Variants in AGBL2 observed in about 807,000 individuals in gnomAD.
AGBL2 encodes the protein cytosolic carboxypeptidase 2.
Under a neutral mutation model 103.0 loss-of-function variants are expected in AGBL2, and 87 were observed. The observed-to-expected ratio is 0.84, with a 90% CI of 0.71 to 1.01. The LOEUF (loss-of-function observed/expected upper bound fraction) is 1.01. Among genes scored for constraint, AGBL2 ranks in the 50% least tolerant of loss-of-function variants. The pLI, the probability that AGBL2 is intolerant of heterozygous loss-of-function variation, is 0.00. For missense variants in AGBL2, 904 were observed against 1,023.5 expected (o/e 0.88, Z 1.59); for synonymous variants, 335 against 356.7 (o/e 0.94, Z 0.69).
intron 18 of AGBL2, 91 bp from the exon 19 acceptor site, chr11:47,660,437 T>A: frequency 8.5e-7 from 1 of 1,182,118 alleles, no homozygotes; most frequent in South Asian, 1.5e-5. Flanking sequence ...TACAAGGAGC[T>A]GGTGAGAAAT....
In AGBL2 at chr11:47,692,096, TACTCAC is replaced by T. The variant is rs778076257; in HGVS notation, c.848+1_848+6del. The T allele has an allele frequency of 6.2e-6, 10 of 1,605,780 alleles. No homozygotes were observed. Among genetic ancestry groups the T allele is most frequent in the Non-Finnish European group, 1.7e-6 (2 of 1,174,162 alleles). On this transcript the variant is annotated splice_donor_variant and splice_donor_5th_base_variant and intron_variant, in intron 9 of 18. Coordinates refer to ENST00000525123, the MANE Select transcript of AGBL2 (RefSeq NM_024783.4). LOFTEE classifies it high-confidence loss of function. ...AATTATCATCCCTTTGAGAAATTGT[TACTCAC>T]ACTCTGACAGCTTTTTGCAGATTCC... is the stretch of plus-strand genomic sequence containing the variant.
At chr11:47,689,376 C>T (rs1026735521) in intron 10 of AGBL2, among the ~76,000 whole-genome samples, 3 of 146,918 alleles carry the variant, frequency 2.0e-5, no homozygotes, top group Non-Finnish European at 3.0e-5. Flanking sequence ...ACGCTCTTGG[C>T]TCACTGCAAT....
In AGBL2 at chr11:47,663,425, C is replaced by T. The variant is rs909314983; in HGVS notation, c.2449-313G>A. Among the ~76,000 whole-genome samples the T allele has an allele frequency of 3.3e-5, 5 of 152,314 alleles. No homozygotes were observed. In the South Asian group the frequency reaches 1.0e-3, roughly 32 times the overall value. On this transcript the variant is annotated intron_variant, in intron 17 of 18. Coordinates refer to ENST00000525123, the MANE Select transcript of AGBL2 (RefSeq NM_024783.4). ...TAGTAACCCCAGGGTGGTCAGATGA[C>T]TCACAGAATATTAAATAGTGGGGCT...
rs200390619 is a variant in AGBL2, at chr11:47,667,011, T to G, written c.2393A>C (p.Asn798Thr). 3.7e-6 allele frequency: 6 copies of G among 1,613,394 alleles called. No homozygotes were observed. Among genetic ancestry groups the G allele is most frequent in the South Asian group, 2.2e-5 (2 of 90,914 alleles). The change falls in exon 17 of 19, where the codon AAC becomes ACC. Residue 798 changes from asparagine (N) to threonine (T), a missense_variant. By Grantham distance (65) the Asn-to-Thr change is moderately conservative. Coordinates refer to ENST00000525123, the MANE Select transcript of AGBL2 (RefSeq NM_024783.4). ...TLQKQPTFFK[N>T]SENSSFLPMK... is the part of the protein sequence containing the mutation. The stretch of plus-strand genomic sequence containing the variant: ...TGGTAAAAAACTGGAATTCTCTGAG[T>G]TTTTGAAAAAGGTTGGCTGCTTTTG...
intron 4 of AGBL2, among the ~76,000 whole-genome samples, chr11:47,709,836 G>C (rs77429983): frequency 0.078 from 11,913 of 152,084 alleles, 1,286 homozygotes; most frequent in African/African-American, 0.25. Context: ...TGATCTGCCT[G>C]CCTCAGCAAT....
chr11:47,691,908 T>C (rs897378739), intron 9 of AGBL2, among the ~76,000 whole-genome samples, 195 bp downstream of exon 9: 2 of 150,452 alleles, frequency 1.3e-5, no homozygotes, highest in Non-Finnish European at 1.5e-5. Context: ...ATTTCTTCTA[T>C]AAGCAAAGTA....
chr11:47,703,054 G>C (rs1271639973), intron 7 of AGBL2, among the ~76,000 whole-genome samples: 2 of 151,978 alleles, frequency 1.3e-5, no homozygotes, highest in Non-Finnish European at 2.9e-5. Context: ...GAGCTCACAG[G>C]TATGACCCAT....
At chr11:47,697,979 A>C (rs939058531) in intron 8 of AGBL2, among the ~76,000 whole-genome samples, 2 of 150,394 alleles carry the variant, frequency 1.3e-5, no homozygotes, top group African/African-American at 4.9e-5. Flanking sequence ...CTCCTGCCTC[A>C]GCCTCCTGAG....
intron 8 of AGBL2, 148 bp from the exon 9 acceptor site, chr11:47,692,404 CTTTTT>C (rs11286504): frequency 5.8e-3 from 573 of 98,814 alleles, no homozygotes; most frequent in Middle Eastern, 0.023. Context: ...GACTTTTAAT[CTTTTT>C]TTTTTTTTTT....
Position 47,714,697 on chromosome 11 carries a change from C to A in AGBL2, c.-47G>T. 1 of 1,593,386 alleles carries A rather than the reference C, an allele frequency of 6.3e-7. No individual in the cohort carries two copies. The highest frequency in any genetic ancestry group is 8.6e-7 in the Non-Finnish European group (1 of 1,161,284). ...GAAAACTAGTCAGTGACATTAGCAT[C>A]CAGTCGCAAACCCTGCCCAATTTCC... On this transcript the variant is annotated 5_prime_UTR_variant, in exon 2 of 19. Transcript: ENST00000525123.
Position 47,680,089 on chromosome 11 carries a change from ACCCCG to A in AGBL2, c.1916-21_1916-17del. On this transcript the variant is annotated splice_polypyrimidine_tract_variant and intron_variant, in intron 12 of 18. Transcript: ENST00000525123. ...CTTTTATTACCTGGAAAAAAAAAAA[ACCCCG>A]CAAACATTTCCAATTAAATCTTAGT... 7.4e-7 allele frequency: 1 copy of A among 1,349,634 alleles called. No homozygotes were observed. The highest frequency in any genetic ancestry group is 1.0e-6 in the Non-Finnish European group (1 of 961,360). The allele number at this position is 1,349,634 out of a possible 1,614,324, so 83.6% of individuals were successfully genotyped here.
Position 47,690,513 on chromosome 11 carries a change from A to G in AGBL2, c.1194T>C (p.Tyr398=). 6.2e-7 allele frequency: 1 copy of G among 1,614,196 alleles called. No homozygotes were observed. Among genetic ancestry groups the G allele is most frequent in the Non-Finnish European group, 8.5e-7 (1 of 1,180,032 alleles). Residue 398 remains tyrosine, a synonymous_variant, in exon 10 of 19, where the codon TAT becomes TAC. Coordinates refer to ENST00000525123, the MANE Select transcript of AGBL2 (RefSeq NM_024783.4). ...DTCFFAHFYP[Y]TYTDLQCYLL... is the part of the protein sequence containing the mutation. The stretch of plus-strand genomic sequence containing the variant: ...GGTAGCATTGCAAATCAGTGTATGT[A>G]TATGGGTAGAAGTGTGCAAAGAAGC...
At position 47,714,330 on chromosome 11, in the gene AGBL2, A is replaced by G; in HGVS notation, c.51T>C (p.Tyr17=). Residue 17 remains tyrosine, a synonymous_variant, in exon 3 of 19, where the codon TAT becomes TAC. Coordinates refer to ENST00000525123, the MANE Select transcript of AGBL2 (RefSeq NM_024783.4). ...GGAGGTGACGGTACATAAAGTCTTC[A>G]TAAGGATCAGGAATAGTCTGTGAAA... The part of the protein sequence containing the change: ...THLKQTIPDP[Y]EDFMYRHLQY... 1 of 1,613,110 alleles carries G rather than the reference A, an allele frequency of 6.2e-7. No individual in the cohort carries two copies. The highest frequency in any genetic ancestry group is 8.5e-7 in the Non-Finnish European group (1 of 1,179,472).
At position 47,692,213 on chromosome 11, in the gene AGBL2, G is replaced by A; in HGVS notation, c.738C>T (p.Gly246=). ...GSYFTSSRVG[G]KRGIVKELAV... ...CAAGTTCCTTGACAATTCCTCGTTT[G>A]CCTCCCACTCTGGAACTGGTAAAAT... Residue 246 remains glycine, a synonymous_variant, in exon 9 of 19, where the codon GGC becomes GGT. Transcript: ENST00000525123. The A allele has an allele frequency of 6.2e-7, 1 of 1,613,592 alleles. No individual in the cohort carries two copies. Among genetic ancestry groups the A allele is most frequent in the Non-Finnish European group, 8.5e-7 (1 of 1,179,840 alleles).
intron 7 of AGBL2, among the ~76,000 whole-genome samples, chr11:47,701,849 C>T (rs2097500317): frequency 6.6e-6 from 1 of 151,850 alleles, no homozygotes; most frequent in African/African-American, 2.4e-5. Flanking sequence ...TGGCACGTGC[C>T]TGTAATCCCA....
Position 47,685,973 on chromosome 11 carries a change from C to G in AGBL2, c.1708G>C (p.Gly570Arg). ...HSRKNNIFLYGCNNNNRKYWL... is the reference protein window; with the variant it reads ...HSRKNNIFLYRCNNNNRKYWL... ...TATTTGCGATTGTTGTTATTACAGC[C>G]ATACAGGAAGATATTATTCTTACGA... Residue 570 changes from glycine (G) to arginine (R), a missense_variant, in exon 11 of 19, where the codon GGC (glycine) becomes CGC (arginine). By Grantham distance (125) the Gly-to-Arg change is moderately radical. Transcript: ENST00000525123. 6.2e-7 allele frequency: 1 copy of G among 1,613,878 alleles called. No individual in the cohort carries two copies. Among genetic ancestry groups the G allele is most frequent in the Non-Finnish European group, 8.5e-7 (1 of 1,179,838 alleles).
rs147273589 is a variant in AGBL2, at chr11:47,698,936, A to C, written c.694+510T>G. Among the ~76,000 whole-genome samples the C allele has an allele frequency of 2.6e-4, 39 of 151,438 alleles. No homozygotes were observed. The East Asian group carries it at 6.4e-3, about 25-fold the overall frequency. ...TGGGGAATCTAACAGGTACCCTTAA[A>C]AAGAATGTGTATGACTTCAGTAGGA... is the stretch of plus-strand genomic sequence containing the variant. On this transcript the variant is annotated intron_variant, in intron 8 of 18. Transcript: ENST00000525123.
chr11:47,701,331 C>T (rs1461734164), intron 7 of AGBL2, among the ~76,000 whole-genome samples: 1 of 150,024 alleles, frequency 6.7e-6, no homozygotes, highest in Admixed American at 6.6e-5. Context: ...ATTAGCCAGG[C>T]GTGGTGGTGC....
intron 8 of AGBL2, among the ~76,000 whole-genome samples, chr11:47,696,343 A>G (rs1399249216): frequency 6.6e-6 from 1 of 151,398 alleles, no homozygotes; most frequent in Non-Finnish European, 1.5e-5. Flanking sequence ...CCTCACTGCA[A>G]CCTCCACCTC....
Sources: gnomAD v4.1 joint callset for allele counts (sites outside exome capture counted in the v4.1 genomes callset) on GRCh38, gnomAD v4.1.1 for gene constraint, MANE v1.5 for transcripts, NCBI Gene and HGNC (gene_info 2026-07-23, HGNC 2026-07-21) for gene names.